The following DIP2C variants were observed in gnomAD, a reference collection of about 807,000 sequenced individuals.
The protein encoded by DIP2C is disco-interacting protein 2 homolog C.
Under a neutral mutation model 192.4 loss-of-function variants are expected in DIP2C, and 33 were observed. The observed-to-expected ratio is 0.17, with a 90% CI of 0.13 to 0.23. The LOEUF is 0.23. Ranked by LOEUF, DIP2C falls within the 10% of genes least tolerant of loss-of-function variation. The probability of loss-of-function intolerance (pLI) is 1.00; values close to 1 mark genes in which losing one functional copy is unlikely to be tolerated. For synonymous variants in DIP2C, 979 were observed against 864.1 expected (o/e 1.13, Z -2.33); for missense variants, 1,537 against 2,110.1 (o/e 0.73, Z 5.32).
At chr10:684,882 C>A (rs1449448483) in intron 1 of DIP2C, among the ~76,000 whole-genome samples, 1 of 152,052 alleles carries the variant, frequency 6.6e-6, no homozygotes, top group Non-Finnish European at 1.5e-5. Context: ...CCTGTAATCC[C>A]AACACTTTGG....
At chr10:671,660 G>C (rs559245019) in intron 1 of DIP2C, among the ~76,000 whole-genome samples, 1 of 103,266 alleles carries the variant, frequency 9.7e-6, no homozygotes, top group East Asian at 3.2e-4. Flanking sequence ...CGCACGGACG[G>C]AGGAAACGTC....
Position 689,450 on chromosome 10 carries a change from C to T in DIP2C, c.85+44G>A, listed in dbSNP as rs1831464556. ...CCCCCAGCCCTCCGCGCGCGGCCCTCCCCGGTGACAGCGCGGCCCGGCCCG... is the reference window on the plus strand; with the variant it reads ...CCCCCAGCCCTCCGCGCGCGGCCCTTCCCGGTGACAGCGCGGCCCGGCCCG... On this transcript the variant is annotated intron_variant, in intron 1 of 36. Transcript: ENST00000280886. The surrounding 1 kb of genome is among the most constrained non-coding windows in gnomAD (Gnocchi z 6.1). The T allele has an allele frequency of 6.5e-6, 7 of 1,084,074 alleles. No individual in the cohort carries two copies. In the African/African-American group the frequency reaches 1.2e-4, roughly 19 times the overall value. The allele number at this position is 1,084,074 out of a possible 1,614,324, so 67.2% of individuals were successfully genotyped here.
At chr10:508,611 G>A (rs1845791454) in intron 1 of DIP2C, among the ~76,000 whole-genome samples, 1 of 152,172 alleles carries the variant, frequency 6.6e-6, no homozygotes, top group African/African-American at 2.4e-5. Flanking sequence ...CTCTGGGATG[G>A]ATGGATGGGT....
intron 1 of DIP2C, among the ~76,000 whole-genome samples, chr10:529,724 A>C (rs540240179): frequency 6.6e-6 from 1 of 152,262 alleles, no homozygotes; most frequent in South Asian, 2.1e-4. Context: ...TACATCATCT[A>C]AGATTTTTGT....
chr10:331,940 G>A (rs1957527559), intron 29 of DIP2C, among the ~76,000 whole-genome samples: 2 of 151,052 alleles, frequency 1.3e-5, no homozygotes, highest in Middle Eastern at 3.4e-3. Context: ...CTTTTTTTCT[G>A]AGACAGAGTC....
At chr10:497,881 A>C (rs1331457024) in intron 1 of DIP2C, among the ~76,000 whole-genome samples, 1 of 152,006 alleles carries the variant, frequency 6.6e-6, no homozygotes, top group Non-Finnish European at 1.5e-5. Flanking sequence ...GAGATGAAAA[A>C]TTTTTTCTTG....
At chr10:615,427 G>C (rs1343309345) in intron 1 of DIP2C, among the ~76,000 whole-genome samples, 1 of 152,116 alleles carries the variant, frequency 6.6e-6, no homozygotes, top group South Asian at 2.1e-4. Flanking sequence ...GGCTTCCTCA[G>C]GGACGCTAAA....
chr10:624,273 A>G (rs1854058601), intron 1 of DIP2C, among the ~76,000 whole-genome samples: 1 of 152,168 alleles, frequency 6.6e-6, no homozygotes, highest in East Asian at 1.9e-4. Flanking sequence ...AGAAGGACTG[A>G]GTGGGACCAA....
At chr10:567,901 A>T (rs967588590) in intron 1 of DIP2C, among the ~76,000 whole-genome samples, 1 of 152,142 alleles carries the variant, frequency 6.6e-6, no homozygotes, top group African/African-American at 2.4e-5. Flanking sequence ...AAGCACTGGG[A>T]TTATAGGTGT....
chr10:341,183 T>G lies in DIP2C; in HGVS notation c.3584+16A>C, dbSNP rs199754669. On this transcript the variant is annotated intron_variant, in intron 29 of 36. Coordinates refer to ENST00000280886, the MANE Select transcript of DIP2C (RefSeq NM_014974.3). ...CATGATTTTTTTTAATGTAAAGATA[T>G]AGAGAGGCATCTTACCTGCAGAGGC... 9.8e-4 allele frequency: 1,588 copies of G among 1,613,788 alleles called. 2 individuals carry two copies. Among genetic ancestry groups the G allele is most frequent in the South Asian group, 1.9e-3 (177 of 91,062 alleles).
chr10:348,675 G>A lies in DIP2C; in HGVS notation c.3197C>T (p.Ala1066Val), dbSNP rs200201760. 121 of 1,613,576 alleles carry A rather than the reference G, an allele frequency of 7.5e-5. No homozygotes were observed. The highest frequency in any genetic ancestry group is 1.3e-4 in the South Asian group (12 of 91,002). ...CATCTTGACGGTAGGCAACGTCGTC[G>A]CGATGTTCTGTGGGTGCGGGGGACG... ...TVRPPHPQNI[A>V]TTLPTVKMIV... Residue 1066 changes from alanine (A) to valine (V), a missense_variant, in exon 26 of 37, where the codon GCG (alanine) becomes GTG (valine). By Grantham distance (64) the Ala-to-Val change is moderately conservative (BLOSUM62 0). Around this residue, in one of 4 missense-constraint regions of DIP2C, gnomAD observed 677 missense variants for 989.9 expected, o/e 0.68. Transcript: ENST00000280886.
At chr10:683,589 G>A (rs868255249) in intron 1 of DIP2C, among the ~76,000 whole-genome samples, 5 of 152,306 alleles carry the variant, frequency 3.3e-5, no homozygotes, top group Middle Eastern at 3.4e-3. Context: ...CAAAATGCCC[G>A]TCTTTCCAGG....
At chr10:392,907 CA>C (rs1963613029) in intron 10 of DIP2C, among the ~76,000 whole-genome samples, 4 of 152,194 alleles carry the variant, frequency 2.6e-5, no homozygotes, top group Admixed American at 6.5e-5. Context: ...CACAGGCGCG[CA>C]CACACACTCA....
intron 1 of DIP2C, among the ~76,000 whole-genome samples, chr10:495,407 A>C (rs756625490): frequency 6.6e-6 from 1 of 152,216 alleles, no homozygotes; most frequent in Non-Finnish European, 1.5e-5. Flanking sequence ...TATTCTCACC[A>C]CACATACAAA....
intron 36 of DIP2C, among the ~76,000 whole-genome samples, chr10:278,883 C>T (rs1191331051): frequency 1.3e-5 from 2 of 152,092 alleles, no homozygotes; most frequent in African/African-American, 4.8e-5. Context: ...CAGAAGGTTC[C>T]CGGGCAGAGT....
chr10:292,474 A>C (rs946219074), intron 32 of DIP2C, among the ~76,000 whole-genome samples: 2 of 152,220 alleles, frequency 1.3e-5, no homozygotes, highest in African/African-American at 4.8e-5. Flanking sequence ...GCAGAGATAG[A>C]GAGTTGACAT....
chr10:596,642 CCT>C (rs1429815148), intron 1 of DIP2C, among the ~76,000 whole-genome samples: 1 of 152,056 alleles, frequency 6.6e-6, no homozygotes, highest in Non-Finnish European at 1.5e-5. Flanking sequence ...ACAGTTCCTC[CCT>C]GACAGAAGGC....
intron 1 of DIP2C, among the ~76,000 whole-genome samples, chr10:679,491 C>G (rs71494927): frequency 4.9e-4 from 19 of 38,726 alleles, no homozygotes; most frequent in Non-Finnish European, 6.8e-4. Context: ...CCCCACACCC[C>G]TGCTCCCCAC....
chr10:277,644 A>C lies in DIP2C; in HGVS notation c.4419-67T>G. On this transcript the variant is annotated intron_variant, in intron 36 of 36. Coordinates refer to ENST00000280886, the MANE Select transcript of DIP2C (RefSeq NM_014974.3). ...TGCTTTATTTAATAGCCGTGGTTTCAAAGTTCCACTTGGCTCTCTCTGACC... is the reference window on the plus strand; with the variant it reads ...TGCTTTATTTAATAGCCGTGGTTTCCAAGTTCCACTTGGCTCTCTCTGACC... The C allele has an allele frequency of 6.3e-6, 10 of 1,574,958 alleles. No homozygotes were observed. The South Asian group carries it at 1.1e-4, about 17-fold the overall frequency.
Sources: allele counts gnomAD v4.1 joint callset (sites outside exome capture counted in the v4.1 genomes callset), GRCh38; gene constraint gnomAD v4.1.1; regional missense constraint gnomAD v4.1.1; non-coding constraint Gnocchi (gnomAD v3.1); transcripts MANE v1.5; gene names NCBI Gene and HGNC (gene_info 2026-07-23, HGNC 2026-07-21).